Variants in RBM25 observed in about 807,000 individuals in gnomAD.
The protein encoded by RBM25 is RNA-binding protein 25.
Under a neutral mutation model 120.7 loss-of-function variants are expected in RBM25, and 19 were observed. The ratio of observed to expected loss-of-function variants is 0.16; its 90% CI spans 0.11 to 0.23. The LOEUF is 0.23. Among genes scored for constraint, RBM25 ranks in the 10% least tolerant of loss-of-function variants. RBM25 has a pLI of 1.00. For synonymous variants in RBM25, 390 were observed against 326.7 expected, an observed-to-expected ratio of 1.19 and a Z score of -2.09; for missense variants, 605 against 1,041.5, an observed-to-expected ratio of 0.58 and a Z score of 5.77.
chr14:73,122,495 C>G lies in RBM25; in HGVS notation c.*2690C>G, dbSNP rs966149506. ...TTCACCTTGTTGGCCAGGCTGGTCT[C>G]AAACTCCTGACCTCAGGTGATCCAC... On this transcript the variant is annotated 3_prime_UTR_variant, in exon 19 of 19. Transcript: ENST00000261973. 3 of 152,004 alleles carry G rather than the reference C, an allele frequency of 2.0e-5. No individual in the cohort carries two copies. Among genetic ancestry groups the G allele is most frequent in the African/African-American group, 7.3e-5 (3 of 41,358 alleles). The allele number at this position is 152,004 out of a possible 1,614,324, so 9.4% of individuals were successfully genotyped here.
At chr14:73,116,525 T>G (rs765483057) in intron 18 of RBM25, among the ~76,000 whole-genome samples, 2 of 152,214 alleles carry the variant, frequency 1.3e-5, no homozygotes, top group African/African-American at 2.4e-5. Context: ...GAACACCTGA[T>G]AAAACATTTG....
At chr14:73,103,115 A>G (rs777063645) in intron 9 of RBM25, 77 bp from the exon 10 acceptor site, 8 of 1,541,726 alleles carry the variant, frequency 5.2e-6, no homozygotes, top group Non-Finnish European at 7.0e-6. Context: ...TGTTCCCAGT[A>G]CTGGGCTTTG....
At chr14:73,060,941 G>A (rs554547746) in intron 1 of RBM25, among the ~76,000 whole-genome samples, 9 of 151,174 alleles carry the variant, frequency 6.0e-5, no homozygotes, top group Admixed American at 3.3e-4. Context: ...TAAAAATTAG[G>A]ACTAGTCTTA....
intron 6 of RBM25, among the ~76,000 whole-genome samples, chr14:73,089,113 C>T (rs1256920838): frequency 6.6e-6 from 1 of 152,032 alleles, no homozygotes; most frequent in Admixed American, 6.6e-5. Flanking sequence ...TGTACTCCAG[C>T]CTGGGCAACT....
At chr14:73,093,096 T>A (rs1895855061) in intron 6 of RBM25, among the ~76,000 whole-genome samples, 1 of 152,220 alleles carries the variant, frequency 6.6e-6, no homozygotes, top group African/African-American at 2.4e-5. Flanking sequence ...AGACAATATA[T>A]CTGCTTGTAT....
intron 2 of RBM25, among the ~76,000 whole-genome samples, chr14:73,072,868 T>A (rs1340025917): frequency 6.6e-6 from 1 of 152,210 alleles, no homozygotes; most frequent in Non-Finnish European, 1.5e-5. Context: ...ATTCATAGCA[T>A]GTATGTTACG....
chr14:73,092,203 G>T (rs1220578720), intron 6 of RBM25, among the ~76,000 whole-genome samples: 5 of 150,434 alleles, frequency 3.3e-5, no homozygotes, highest in African/African-American at 1.2e-4. Flanking sequence ...TTTTTTAAGG[G>T]TGGTGGGGGG....
chr14:73,089,643 C>A (rs1895765009), intron 6 of RBM25, among the ~76,000 whole-genome samples: 1 of 147,494 alleles, frequency 6.8e-6, no homozygotes, highest in African/African-American at 2.6e-5. Flanking sequence ...GTGTGAGCCA[C>A]CACACCTGGC....
At chr14:73,099,301 G>A (rs1896013893) in intron 7 of RBM25, 79 bp from the exon 8 acceptor site, 3 of 1,258,786 alleles carry the variant, frequency 2.4e-6, no homozygotes, top group Non-Finnish European at 2.3e-6. Context: ...CGTCATAAAT[G>A]TATAGGGCAT....
chr14:73,109,663 G>A (rs1019233992), intron 14 of RBM25, among the ~76,000 whole-genome samples, 171 bp downstream of exon 14: 4 of 151,988 alleles, frequency 2.6e-5, no homozygotes, highest in African/African-American at 9.7e-5. Context: ...TGTAGTGGTG[G>A]GCGCCTGTAG....
intron 6 of RBM25, among the ~76,000 whole-genome samples, chr14:73,091,041 A>G (rs1330117900): frequency 6.6e-6 from 1 of 152,220 alleles, no homozygotes; most frequent in African/African-American, 2.4e-5. Flanking sequence ...CAGTATCTTC[A>G]AAGTGTTCTG....
chr14:73,117,336 A>G (rs553102742), intron 18 of RBM25, among the ~76,000 whole-genome samples: 4 of 145,930 alleles, frequency 2.7e-5, no homozygotes, highest in East Asian at 4.0e-4. Flanking sequence ...GGTTCAAGCA[A>G]TTCTCCTGCT....
At chr14:73,111,828 T>C in intron 16 of RBM25, 26 bp downstream of exon 16, 1 of 1,551,644 alleles carries the variant, frequency 6.4e-7, no homozygotes, top group Non-Finnish European at 8.7e-7. Flanking sequence ...TATTTCATCA[T>C]ATTATTGGGA....
Position 73,120,512 on chromosome 14 carries a change from A to G in RBM25, c.*707A>G, listed in dbSNP as rs1267711256. ...GCATGGTGTTCTCGTGTCGTGAGCA[A>G]TGTGGTTTGCTAACTGGATGGGGTT... is the stretch of plus-strand genomic sequence containing the variant. On this transcript the variant is annotated 3_prime_UTR_variant, in exon 19 of 19. Transcript: ENST00000261973. The G allele has an allele frequency of 6.6e-6, 1 of 152,622 alleles. No homozygotes were observed. The highest frequency in any genetic ancestry group is 2.4e-5 in the African/African-American group (1 of 41,450). 9.5% of individuals were successfully genotyped at this position (152,622 alleles called of 1,614,324 possible).
chr14:73,083,021 A>G (rs1895601023), intron 4 of RBM25, among the ~76,000 whole-genome samples: 1 of 152,210 alleles, frequency 6.6e-6, no homozygotes, highest in Non-Finnish European at 1.5e-5. Flanking sequence ...CAGAGGTTGC[A>G]GTGACCCAAG....
chr14:73,116,088 A>G (rs1426956403), intron 18 of RBM25, among the ~76,000 whole-genome samples: 1 of 152,026 alleles, frequency 6.6e-6, no homozygotes, highest in Non-Finnish European at 1.5e-5. Context: ...TTTTTTACCA[A>G]GAAAGAAACA....
At chr14:73,079,259 C>T (rs1895500789) in intron 4 of RBM25, among the ~76,000 whole-genome samples, 1 of 150,472 alleles carries the variant, frequency 6.6e-6, no homozygotes, top group Non-Finnish European at 1.5e-5. Flanking sequence ...CCCATCTCTA[C>T]TAAAAATACA....
chr14:73,096,709 AGAAAAT>A (rs1421320214), intron 6 of RBM25, among the ~76,000 whole-genome samples, 200 bp from the exon 7 acceptor site: 2 of 152,216 alleles, frequency 1.3e-5, no homozygotes, highest in Admixed American at 1.3e-4. Flanking sequence ...ATTAAGAAAA[AGAAAAT>A]GAAAATGAAG....
At chr14:73,094,077 G>A (rs1423357225) in intron 6 of RBM25, among the ~76,000 whole-genome samples, 3 of 145,806 alleles carry the variant, frequency 2.1e-5, no homozygotes, top group African/African-American at 7.6e-5. Context: ...TCAGCCTCCC[G>A]AGTAGCTGGG....
Sources: gnomAD v4.1 joint callset for allele counts (sites outside exome capture counted in the v4.1 genomes callset) on GRCh38, gnomAD v4.1.1 for gene constraint, MANE v1.5 for transcripts, NCBI Gene and HGNC (gene_info 2026-07-23, HGNC 2026-07-21) for gene names.